Variants in TNFRSF19 observed in about 807,000 individuals in gnomAD.
TNFRSF19 encodes TNF receptor superfamily member 19, also known as tumor necrosis factor receptor superfamily member 19.
Under a neutral mutation model 46.4 loss-of-function variants are expected in TNFRSF19, and 27 were observed. The observed-to-expected ratio is 0.58, with a 90% confidence interval of 0.43 to 0.80. TNFRSF19 has a LOEUF of 0.80. Among genes scored for constraint, TNFRSF19 ranks in the 30% least tolerant of loss-of-function variants. The pLI is 0.00. For synonymous variants in TNFRSF19, 204 were observed against 205.0 expected (o/e 1.00, Z 0.04); for missense variants, 511 against 530.8 (o/e 0.96, Z 0.37).
intron 5 of TNFRSF19, among the ~76,000 whole-genome samples, chr13:23,652,490 C>G (rs1461262774): frequency 6.6e-6 from 1 of 152,176 alleles, no homozygotes; most frequent in East Asian, 1.9e-4. Flanking sequence ...CCATGAAGCG[C>G]TACTTAAAAT....
intron 1 of TNFRSF19, among the ~76,000 whole-genome samples, chr13:23,587,192 T>G (rs565124538): frequency 1.3e-5 from 2 of 152,210 alleles, no homozygotes; most frequent in African/African-American, 4.8e-5. Flanking sequence ...AAAATAATTT[T>G]AATAAATAAC....
chr13:23,662,072 G>A (rs529787919), intron 7 of TNFRSF19, among the ~76,000 whole-genome samples: 7 of 152,160 alleles, frequency 4.6e-5, no homozygotes, highest in Non-Finnish European at 8.8e-5. Context: ...TGCTTTTGTT[G>A]TGATTGCTTT....
chr13:23,578,901 G>C (rs941734375), intron 1 of TNFRSF19, among the ~76,000 whole-genome samples: 3 of 152,212 alleles, frequency 2.0e-5, no homozygotes, highest in African/African-American at 7.2e-5. Flanking sequence ...GGCGTCCGTG[G>C]GAACGCGCAC....
Position 23,668,860 on chromosome 13 carries a change from T to A in TNFRSF19, c.1008T>A (p.Ser336=). The change falls in exon 9 of 10, where the codon TCT becomes TCA. Residue 336 remains serine, a synonymous_variant. Transcript: ENST00000248484. ...YPELTGEDIH[S]LNPELESSTS... ...AACTCACTGGAGAAGACATTCATTC[T>A]CTCAATCCAGAACTTGAAAGCTCAA... is the stretch of plus-strand genomic sequence containing the variant. 1 of 1,614,266 alleles carries A rather than the reference T, an allele frequency of 6.2e-7. No homozygotes were observed. The highest frequency in any genetic ancestry group is 8.5e-7 in the Non-Finnish European group (1 of 1,180,046).
intron 1 of TNFRSF19, among the ~76,000 whole-genome samples, chr13:23,579,770 C>T (rs61947047): frequency 0.28 from 42,627 of 151,922 alleles, 6,154 homozygotes; most frequent in South Asian, 0.34. Flanking sequence ...GAATTCACGC[C>T]GGGTCCCCGC....
At chr13:23,606,280 A>C (rs756247069) in intron 3 of TNFRSF19, among the ~76,000 whole-genome samples, 30 of 152,216 alleles carry the variant, frequency 2.0e-4, no homozygotes, top group Non-Finnish European at 1.8e-4. Flanking sequence ...TAAGAGCCAA[A>C]GGGAAGCAAC....
At chr13:23,629,237 T>C (rs1031347337) in intron 5 of TNFRSF19, among the ~76,000 whole-genome samples, 1 of 152,188 alleles carries the variant, frequency 6.6e-6, no homozygotes, top group African/African-American at 2.4e-5. Context: ...TTCAAGGACA[T>C]GCCTGGTAGT....
chr13:23,619,841 T>C (rs1881539763), intron 4 of TNFRSF19, among the ~76,000 whole-genome samples: 2 of 152,088 alleles, frequency 1.3e-5, no homozygotes, highest in Admixed American at 1.3e-4. Flanking sequence ...GGACTGGGAT[T>C]TTATAGAGCC....
rs199955294 is a variant in TNFRSF19 at position 23,626,749 on chromosome 13, G to A, written c.402G>A (p.Glu134=). The A allele has an allele frequency of 2.2e-4, 360 of 1,614,196 alleles. No individual in the cohort carries two copies. The highest frequency in any genetic ancestry group is 2.8e-4 in the Non-Finnish European group (328 of 1,180,030). ...KTKLVGFQDM[E]CVPCGDPPPP... ...AACTTGTCGGCTTTCAAGACATGGA[G>A]TGTGTGCCTTGTGGAGACCCTCCTC... Residue 134 remains glutamate (E), a synonymous_variant, in exon 5 of 10, where the codon GAG becomes GAA. Coordinates refer to ENST00000248484, the MANE Select transcript of TNFRSF19 (RefSeq NM_148957.4).
intron 3 of TNFRSF19, among the ~76,000 whole-genome samples, chr13:23,614,729 C>A (rs1224637121): frequency 8.8e-6 from 1 of 113,582 alleles, no homozygotes; most frequent in Non-Finnish European, 1.9e-5. Flanking sequence ...TCAGCCGCTT[C>A]CTGTGGATAA....
In TNFRSF19 at chr13:23,659,084, C is replaced by T; in HGVS notation, c.480C>T (p.Ser160=). The change falls in exon 6 of 10, where the codon TCC becomes TCT. Residue 160 remains serine (S), a synonymous_variant. Coordinates refer to ENST00000248484, the MANE Select transcript of TNFRSF19 (RefSeq NM_148957.4). The surrounding 1 kb of genome is among the most constrained non-coding windows in gnomAD (Gnocchi z 4.9). ...ASKVNLVKIA[S]TASSPRDTAL... is the part of the protein sequence containing the mutation. ...AGGTCAACCTCGTGAAGATCGCGTCCACGGCCTCCAGCCCACGGGACACGG... is the reference window on the plus strand; with the variant it reads ...AGGTCAACCTCGTGAAGATCGCGTCTACGGCCTCCAGCCCACGGGACACGG... 6.2e-7 allele frequency: 1 copy of T among 1,613,892 alleles called. No homozygotes were observed. The highest frequency in any genetic ancestry group is 8.5e-7 in the Non-Finnish European group (1 of 1,180,006).
intron 5 of TNFRSF19, among the ~76,000 whole-genome samples, chr13:23,636,976 T>C (rs1882729004): frequency 6.6e-6 from 1 of 152,246 alleles, no homozygotes; most frequent in African/African-American, 2.4e-5. Context: ...ACTAGTTATG[T>C]GTTAATAATA....
chr13:23,669,259 T>A, intron 9 of TNFRSF19, 162 bp downstream of exon 9: 1 of 1,407,896 alleles, frequency 7.1e-7, no homozygotes, highest in Non-Finnish European at 9.2e-7. Flanking sequence ...ATTTCAAGTA[T>A]TTTTTTAAAA....
At chr13:23,631,828 AT>A (rs1882381306) in intron 5 of TNFRSF19, among the ~76,000 whole-genome samples, 1 of 152,190 alleles carries the variant, frequency 6.6e-6, no homozygotes, top group Non-Finnish European at 1.5e-5. Flanking sequence ...TTTCCTGGGT[AT>A]TTCAGCCAAC....
chr13:23,598,319 G>C (rs189052968), intron 3 of TNFRSF19, among the ~76,000 whole-genome samples: 18 of 152,186 alleles, frequency 1.2e-4, no homozygotes, highest in Admixed American at 1.1e-3. Flanking sequence ...AACCACCATG[G>C]CACATTTATA....
chr13:23,658,096 G>T (rs1483802375), intron 5 of TNFRSF19, among the ~76,000 whole-genome samples: 1 of 152,026 alleles, frequency 6.6e-6, no homozygotes, highest in African/African-American at 2.4e-5. Flanking sequence ...TTATTTTGGG[G>T]TTAGTTAAGT....
intron 5 of TNFRSF19, among the ~76,000 whole-genome samples, chr13:23,642,960 T>C (rs1883112974): frequency 6.6e-6 from 1 of 152,250 alleles, no homozygotes; most frequent in Non-Finnish European, 1.5e-5. Context: ...AGTCTTTTCA[T>C]ACGTATATTA....
chr13:23,668,187 A>C, intron 8 of TNFRSF19, 105 bp downstream of exon 8: 1 of 1,045,148 alleles, frequency 9.6e-7, no homozygotes, highest in Non-Finnish European at 1.4e-6. Flanking sequence ...CACCTCTTAA[A>C]TATTAATGAC....
intron 7 of TNFRSF19, among the ~76,000 whole-genome samples, chr13:23,666,061 C>T (rs1951627073): frequency 6.6e-6 from 1 of 152,160 alleles, no homozygotes; most frequent in South Asian, 2.1e-4. Flanking sequence ...AGAAATACTG[C>T]TGAGGGGATG....
Sources: allele counts gnomAD v4.1 joint callset (sites outside exome capture counted in the v4.1 genomes callset), GRCh38; gene constraint gnomAD v4.1.1; non-coding constraint Gnocchi (gnomAD v3.1); transcripts MANE v1.5; gene names NCBI Gene and HGNC (gene_info 2026-07-23, HGNC 2026-07-21).